Variants in MSANTD1 observed in about 807,000 individuals in gnomAD.
The protein encoded by MSANTD1 is myb/SANT-like DNA-binding domain-containing protein 1.
In MSANTD1, 7 loss-of-function variants were observed where a neutral mutation model predicts 24.2. The observed-to-expected ratio is 0.29, with a 90% CI of 0.16 to 0.54. MSANTD1 has a LOEUF of 0.54. MSANTD1 is among the 20% of genes least tolerant of loss of function. The pLI is 0.94. For missense variants in MSANTD1, 384 were observed against 408.2 expected, an observed-to-expected ratio of 0.94 and a Z score of 0.51; for synonymous variants, 177 against 181.1, an observed-to-expected ratio of 0.98 and a Z score of 0.18.
Position 3,255,802 on chromosome 4 carries a change from C to T in MSANTD1, c.674C>T (p.Ala225Val). ...LQKKQLRLLE[A>V]MVEEQRRLSR... ...AAGAAGCAGCTGCGGCTGCTGGAGG[C>T]CATGGTGGAGGAGCAGCGCCGGCTG... Residue 225 changes from alanine (A) to valine (V), a missense_variant, in exon 3 of 3, where the codon GCC (alanine) becomes GTC (valine). Ala to Val is a moderately conservative substitution (Grantham distance 64). Coordinates refer to ENST00000438480, the MANE Select transcript of MSANTD1 (RefSeq NM_001042690.2). 6.5e-7 allele frequency: 1 copy of T among 1,546,762 alleles called. No individual in the cohort carries two copies. Among genetic ancestry groups the T allele is most frequent in the Non-Finnish European group, 8.7e-7 (1 of 1,146,690 alleles).
At position 3,255,096 on chromosome 4, in the gene MSANTD1, A is replaced by G. The variant is rs1054396734; in HGVS notation, c.597-629A>G. The stretch of plus-strand genomic sequence containing the variant: ...TGGGTGAAGGGTGCTCCCTGGCAGG[A>G]TATGCCCCTCTGCAGCCCAGAACAT... On this transcript the variant is annotated intron_variant, in intron 2 of 2. Coordinates refer to ENST00000438480, the MANE Select transcript of MSANTD1 (RefSeq NM_001042690.2). Among the ~76,000 whole-genome samples the G allele has an allele frequency of 6.6e-5, 10 of 152,188 alleles. No homozygotes were observed. In the South Asian group the frequency reaches 1.2e-3, roughly 19 times the overall value.
upstream of MSANTD1, chr4:3,246,643 T>A (rs1179555927): frequency 1.4e-6 from 1 of 696,284 alleles, no homozygotes. Flanking sequence ...CGACTGAGGG[T>A]CCCAGCAGGC....
chr4:3,255,265 C>T (rs2110323595), intron 2 of MSANTD1, among the ~76,000 whole-genome samples: 1 of 150,394 alleles, frequency 6.6e-6, no homozygotes, highest in Admixed American at 6.6e-5. Flanking sequence ...GAGTCTCGCT[C>T]TTGTGCAGAG....
upstream of MSANTD1, chr4:3,248,078 CA>C (rs1405536218): frequency 1.3e-5 from 2 of 152,380 alleles, no homozygotes; most frequent in African/African-American, 4.8e-5. Flanking sequence ...GCGCCCAGCA[CA>C]GTCCATGCTG....
chr4:3,253,107 T>G (rs879159482), intron 1 of MSANTD1, 100 bp from the exon 2 acceptor site: 1 of 1,283,204 alleles, frequency 7.8e-7, no homozygotes, highest in South Asian at 1.8e-5. Context: ...GAGCGGCTCC[T>G]GCCTGTGCCG....
Position 3,249,363 on chromosome 4 carries a change from G to T in MSANTD1, c.141G>T (p.Thr47=), listed in dbSNP as rs369758700. Residue 47 remains threonine (T), a synonymous_variant, in exon 1 of 3, where the codon ACG becomes ACT. Coordinates refer to ENST00000438480, the MANE Select transcript of MSANTD1 (RefSeq NM_001042690.2). ...AEKHRRARNW[T]DAEMRGLMLV... ...AGCACCGGCGGGCCCGCAACTGGACGGACGCCGAGATGCGCGGCCTCATGC... is the reference window on the plus strand; with the variant it reads ...AGCACCGGCGGGCCCGCAACTGGACTGACGCCGAGATGCGCGGCCTCATGC... The T allele has an allele frequency of 3.8e-6, 6 of 1,561,510 alleles. No individual in the cohort carries two copies. The South Asian group carries it at 7.1e-5, about 18-fold the overall frequency.
chr4:3,249,576 C>CGGGCGGGCCCGGGCGTGGCG, intron 1 of MSANTD1, 34 bp downstream of exon 1: 1 of 1,560,786 alleles, frequency 6.4e-7, no homozygotes, highest in Non-Finnish European at 8.7e-7. Flanking sequence ...CCCACCAGGA[C>CGGGCGGGCCCGGGCGTGGCG]GGGCGGGCCC....
Position 3,255,684 on chromosome 4 carries a change from C to T in MSANTD1, c.597-41C>T, listed in dbSNP as rs978027041. ...CGGTGAGGCCCCTGGTGTGCCCAGG[C>T]TCTGTGGCCAGCACGTCCACAGCCG... On this transcript the variant is annotated intron_variant, in intron 2 of 2. Transcript: ENST00000438480. 13 of 1,490,284 alleles carry T rather than the reference C, an allele frequency of 8.7e-6. No individual in the cohort carries two copies. In the Admixed American group the frequency reaches 2.6e-4, roughly 30 times the overall value. The allele number at this position is 1,490,284 out of a possible 1,614,324, so 92.3% of individuals were successfully genotyped here.
intron 1 of MSANTD1, among the ~76,000 whole-genome samples, chr4:3,252,853 A>T (rs1188622430): frequency 6.6e-6 from 1 of 152,246 alleles, no homozygotes; most frequent in South Asian, 2.1e-4. Context: ...TTCAAAATGA[A>T]TTATTTAAAA....
chr4:3,250,100 C>G (rs528250614), intron 1 of MSANTD1, among the ~76,000 whole-genome samples: 2 of 152,318 alleles, frequency 1.3e-5, no homozygotes, highest in African/African-American at 4.8e-5. Flanking sequence ...GTGAGCCCCA[C>G]TGGGGCTGGC....
At chr4:3,255,581 T>C in intron 2 of MSANTD1, 144 bp from the exon 3 acceptor site, 1 of 1,115,530 alleles carries the variant, frequency 9.0e-7, no homozygotes. Context: ...GCACATGGAA[T>C]ATGAGACCCT....
intron 1 of MSANTD1, among the ~76,000 whole-genome samples, chr4:3,251,687 CTTTTTCTTTTTTTT>C (rs1446690682): frequency 1.4e-5 from 2 of 143,902 alleles, no homozygotes; most frequent in Non-Finnish European, 3.0e-5. Context: ...TTTTTTTTTT[CTTTTTCTTTTTTTT>C]TTTTTTACAA....
intron 2 of MSANTD1, among the ~76,000 whole-genome samples, chr4:3,254,343 C>T (rs1443708628): frequency 1.3e-5 from 2 of 152,220 alleles, no homozygotes; most frequent in Non-Finnish European, 2.9e-5. Flanking sequence ...CTCAGGATTT[C>T]TCATTGAAGA....
intron 1 of MSANTD1, among the ~76,000 whole-genome samples, chr4:3,249,953 C>G (rs1255682732): frequency 6.6e-6 from 1 of 152,216 alleles, no homozygotes; most frequent in Non-Finnish European, 1.5e-5. Flanking sequence ...TGCCAGTGCC[C>G]TCCCCACCAC....
chr4:3,250,836 G>A (rs970239941), intron 1 of MSANTD1, among the ~76,000 whole-genome samples: 3 of 152,232 alleles, frequency 2.0e-5, no homozygotes, highest in Non-Finnish European at 2.9e-5. Flanking sequence ...GCGAGGAGCC[G>A]GCCTCCAGCA....
chr4:3,251,135 A>C (rs917386840), intron 1 of MSANTD1, among the ~76,000 whole-genome samples: 7 of 152,210 alleles, frequency 4.6e-5, no homozygotes, highest in African/African-American at 1.7e-4. Flanking sequence ...TTCGGTGGAC[A>C]CAGGCAGCTG....
chr4:3,247,918 A>G (rs1722081551), upstream of MSANTD1: 1 of 152,324 alleles, frequency 6.6e-6, no homozygotes. Context: ...GGCAGCGGGC[A>G]GAGGCCGAGA....
Position 3,249,323 on chromosome 4 carries a change from C to T in MSANTD1, c.101C>T (p.Ser34Phe). ...AAAEGPGYLVSPQAEKHRRAR... is the reference protein window; with the variant it reads ...AAAEGPGYLVFPQAEKHRRAR... ...GCCGAGGGGCCCGGCTACCTCGTGTCTCCCCAGGCGGAGAAGCACCGGCGG... is the reference window on the plus strand; with the variant it reads ...GCCGAGGGGCCCGGCTACCTCGTGTTTCCCCAGGCGGAGAAGCACCGGCGG... Residue 34 changes from serine to phenylalanine, a missense_variant, in exon 1 of 3, where the codon TCT becomes TTT. Ser to Phe is a radical substitution (Grantham distance 155). Coordinates refer to ENST00000438480, the MANE Select transcript of MSANTD1 (RefSeq NM_001042690.2). The T allele has an allele frequency of 6.5e-7, 1 of 1,547,604 alleles. No individual in the cohort carries two copies. The highest frequency in any genetic ancestry group is 1.2e-5 in the South Asian group (1 of 84,190).
chr4:3,255,262 G>A (rs1473738526), intron 2 of MSANTD1, among the ~76,000 whole-genome samples: 3 of 149,754 alleles, frequency 2.0e-5, no homozygotes. Context: ...ACGGAGTCTC[G>A]CTCTTGTGCA....
Sources: gnomAD v4.1 joint callset for allele counts (sites outside exome capture counted in the v4.1 genomes callset) on GRCh38, gnomAD v4.1.1 for gene constraint, MANE v1.5 for transcripts, NCBI Gene and HGNC (gene_info 2026-07-23, HGNC 2026-07-21) for gene names.